FOXP1: variants seen among roughly 807,000 people sequenced by gnomAD.
The protein encoded by FOXP1 is forkhead box protein P1.
FOXP1 carries 15 observed loss-of-function variants against 98.2 expected under a neutral mutation model. The ratio of observed to expected loss-of-function variants is 0.15; its 90% CI spans 0.10 to 0.24. The LOEUF (loss-of-function observed/expected upper bound fraction) is 0.24. FOXP1 is among the 10% of genes least tolerant of loss of function. The probability of loss-of-function intolerance (pLI) is 1.00; values close to 1 mark genes in which losing one functional copy is unlikely to be tolerated. For synonymous variants in FOXP1, 371 were observed against 314.5 expected, an observed-to-expected ratio of 1.18 and a Z score of -1.90; for missense variants, 633 against 848.5, an observed-to-expected ratio of 0.75 and a Z score of 3.15.
At position 70,968,078 on chromosome 3, in the gene FOXP1, T is replaced by G. The variant is rs188828177; in HGVS notation, c.1723-2022A>C. The stretch of plus-strand genomic sequence containing the variant: ...AAGTATTCTAGGTCAAGGCCATTGC[T>G]GATTGGGATTGGATCATAGAACATG... On this transcript the variant is annotated intron_variant, in intron 19 of 20. Transcript: ENST00000649528. Among the ~76,000 whole-genome samples the G allele has an allele frequency of 4.6e-5, 7 of 152,314 alleles. No homozygotes were observed. The East Asian group carries it at 1.3e-3, about 29-fold the overall frequency.
intron 5 of FOXP1, among the ~76,000 whole-genome samples, chr3:71,257,761 G>A (rs2068758968): frequency 6.6e-6 from 1 of 152,064 alleles, no homozygotes; most frequent in African/African-American, 2.4e-5. Context: ...TATTTCTCAG[G>A]CATTGTGGTG....
chr3:71,049,542 C>A (rs1453906251), intron 9 of FOXP1, among the ~76,000 whole-genome samples: 1 of 148,806 alleles, frequency 6.7e-6, no homozygotes, highest in African/African-American at 2.5e-5. Context: ...CATCTCAAGG[C>A]AACTTTAGGA....
chr3:71,273,096 G>A (rs909509173), intron 5 of FOXP1, among the ~76,000 whole-genome samples: 4 of 152,158 alleles, frequency 2.6e-5, no homozygotes, highest in Non-Finnish European at 5.9e-5. Flanking sequence ...CTTGTACAAC[G>A]AGCAGAGGCA....
chr3:71,006,434 A>G (rs990250973), intron 12 of FOXP1, among the ~76,000 whole-genome samples: 1 of 152,086 alleles, frequency 6.6e-6, no homozygotes, highest in Non-Finnish European at 1.5e-5. Flanking sequence ...TTCCCTAAAG[A>G]GACAGCTAAA....
At chr3:70,975,492 C>T (rs2037308883) in intron 17 of FOXP1, among the ~76,000 whole-genome samples, 1 of 152,160 alleles carries the variant, frequency 6.6e-6, no homozygotes, top group Non-Finnish European at 1.5e-5. Flanking sequence ...GCTAATTTAT[C>T]AGGAACTTAA....
Position 71,041,310 on chromosome 3 carries a change from T to G in FOXP1, c.869+18A>C, listed in dbSNP as rs1348815330. The G allele has an allele frequency of 6.2e-7, 1 of 1,610,378 alleles. No individual in the cohort carries two copies. Among genetic ancestry groups the G allele is most frequent in the Admixed American group, 1.7e-5 (1 of 59,960 alleles). ...TGTTAAAGGCAGTTTTGGACCCATC[T>G]CAGTGGCTGGTTCCTACCTTTCCCT... On this transcript the variant is annotated intron_variant, in intron 11 of 20. Transcript: ENST00000649528.
intron 2 of FOXP1, among the ~76,000 whole-genome samples, chr3:71,579,899 G>A (rs184994589): frequency 6.6e-6 from 1 of 151,912 alleles, no homozygotes; most frequent in East Asian, 1.9e-4. Flanking sequence ...CTTGTTTCGC[G>A]ACTCGGCATC....
chr3:71,476,622 C>T (rs1391605185), intron 3 of FOXP1, among the ~76,000 whole-genome samples: 1 of 151,370 alleles, frequency 6.6e-6, no homozygotes, highest in Non-Finnish European at 1.5e-5. Flanking sequence ...TCCTGAGGAG[C>T]TGGGATTACA....
Position 70,955,830 on chromosome 3 carries a change from G to GCACACACACACACACA in FOXP1, c.*3416_*3417insTGTGTGTGTGTGTGTG. The GCACACACACACACACA allele has an allele frequency of 9.7e-6, 2 of 205,518 alleles. No homozygotes were observed. The highest frequency in any genetic ancestry group is 1.4e-4 in the East Asian group (2 of 13,962). The allele number at this position is 205,518 out of a possible 1,614,324, so 12.7% of individuals were successfully genotyped here. ...AAAACAGATTAACACACACGCACGC[G>GCACACACACACACACA]CGCACACACACACACACACACACAC... On this transcript the variant is annotated 3_prime_UTR_variant, in exon 21 of 21. Transcript: ENST00000649528.
Position 71,418,196 on chromosome 3 carries a change from C to T in FOXP1, c.-167-58952G>A, listed in dbSNP as rs142668039. Among the ~76,000 whole-genome samples the T allele has an allele frequency of 4.9e-3, 747 of 151,894 alleles. 4 individuals are homozygous for T. Among genetic ancestry groups the T allele is most frequent in the Non-Finnish European group, 7.2e-3 (488 of 67,980 alleles). On this transcript the variant is annotated intron_variant, in intron 3 of 20. Transcript: ENST00000649528. ...CCAAAGGGATTTCTATGACCATACA[C>T]TTGAGAAGAATGTAGACAGAATCAC...
intron 5 of FOXP1, among the ~76,000 whole-genome samples, chr3:71,227,454 T>C (rs538156176): frequency 6.6e-6 from 1 of 152,298 alleles, no homozygotes; most frequent in African/African-American, 2.4e-5. Flanking sequence ...TATTCTAAGG[T>C]CCAGCTTAGT....
At chr3:71,351,139 A>C (rs1864897) in intron 4 of FOXP1, among the ~76,000 whole-genome samples, 144,633 of 152,226 alleles carry the variant, frequency 0.95, 69,192 homozygotes, top group East Asian at 1. Context: ...CCTGCCACAA[A>C]CAGGGAATCG....
chr3:71,562,987 T>C (rs1311376791), intron 2 of FOXP1, among the ~76,000 whole-genome samples: 1 of 152,118 alleles, frequency 6.6e-6, no homozygotes, highest in Non-Finnish European at 1.5e-5. Flanking sequence ...ATTGTGCCCC[T>C]AGCAAGTGCC....
chr3:70,985,705 G>A (rs1392826344), intron 14 of FOXP1, among the ~76,000 whole-genome samples: 1 of 151,366 alleles, frequency 6.6e-6, no homozygotes, highest in Non-Finnish European at 1.5e-5. Context: ...TTTTTCAAAG[G>A]GTAATACAAC....
At chr3:71,132,736 A>G (rs2059632809) in intron 6 of FOXP1, among the ~76,000 whole-genome samples, 1 of 152,180 alleles carries the variant, frequency 6.6e-6, no homozygotes, top group African/African-American at 2.4e-5. Context: ...AAAATGTACA[A>G]ACCAATTTTT....
At chr3:71,252,927 A>C (rs980788712) in intron 5 of FOXP1, among the ~76,000 whole-genome samples, 2 of 152,206 alleles carry the variant, frequency 1.3e-5, no homozygotes, top group African/African-American at 4.8e-5. Context: ...TTGCAACAGA[A>C]ACCAAAGGAA....
chr3:71,298,907 G>A (rs953365692), intron 5 of FOXP1, among the ~76,000 whole-genome samples: 1 of 152,120 alleles, frequency 6.6e-6, no homozygotes, highest in Non-Finnish European at 1.5e-5. Flanking sequence ...CTGAGCAAAG[G>A]CTTTGTTCAA....
chr3:70,974,735 T>C (rs1273620783), intron 17 of FOXP1, among the ~76,000 whole-genome samples: 1 of 152,190 alleles, frequency 6.6e-6, no homozygotes, highest in African/African-American at 2.4e-5. Context: ...ATGTAAGAGA[T>C]ATAACTTGAA....
chr3:71,561,486 T>C (rs1388891797), intron 2 of FOXP1, among the ~76,000 whole-genome samples: 1 of 151,392 alleles, frequency 6.6e-6, no homozygotes, highest in Non-Finnish European at 1.5e-5. Flanking sequence ...GTGATTACAG[T>C]ATTTTAGATG....
Sources: gnomAD v4.1 joint callset for allele counts (sites outside exome capture counted in the v4.1 genomes callset) on GRCh38, gnomAD v4.1.1 for gene constraint, MANE v1.5 for transcripts, NCBI Gene and HGNC (gene_info 2026-07-23, HGNC 2026-07-21) for gene names.